The following PHKA1 variants were observed in gnomAD, a reference collection of about 807,000 sequenced individuals.
The protein encoded by PHKA1 is phosphorylase kinase regulatory subunit alpha 1.
Under a neutral mutation model 110.2 loss-of-function variants are expected in PHKA1, and 60 were observed. The observed-to-expected ratio is 0.54, with a 90% CI of 0.44 to 0.68. The LOEUF (loss-of-function observed/expected upper bound fraction) is 0.68, where lower values mean the gene tolerates loss of function less well. Among genes scored for constraint, PHKA1 ranks in the 30% least tolerant of loss-of-function variants. The probability of loss-of-function intolerance (pLI) is 0.00; values close to 1 mark genes in which losing one functional copy is unlikely to be tolerated. For synonymous variants in PHKA1, 316 were observed against 333.6 expected (o/e 0.95, Z 0.58); for missense variants, 801 against 942.5 (o/e 0.85, Z 1.97).
chrX:72,585,254 G>T (rs1220279292), intron 29 of PHKA1, among the ~76,000 whole-genome samples: 1 of 110,948 alleles, frequency 9.0e-6, no homozygotes, highest in African/African-American at 3.3e-5. Flanking sequence ...AGTCCAAAAT[G>T]CAAGTATTAA....
chrX:72,620,772 C>T lies in PHKA1; in HGVS notation c.2090G>A (p.Cys697Tyr). The change falls in exon 19 of 32, where the codon TGC (cysteine) becomes TAC (tyrosine). Residue 697 changes from cysteine to tyrosine, a missense_variant. By Grantham distance (194) the Cys-to-Tyr change is radical (BLOSUM62 -2). Around this residue, in one of 2 missense-constraint regions of PHKA1, gnomAD observed 502 missense variants for 519.2 expected, o/e 0.97. Coordinates refer to ENST00000373542, the MANE Select transcript of PHKA1 (RefSeq NM_002637.4). ...DRFQAAVQTT[C>Y]DLMSLVTKAK... ...CTTGGTCACCAAGGACATTAAGTCGCAGGTTGTTTGCACAGCAGCTTGGAA... is the reference window on the plus strand; with the variant it reads ...CTTGGTCACCAAGGACATTAAGTCGTAGGTTGTTTGCACAGCAGCTTGGAA... 8.3e-7 allele frequency: 1 copy of T among 1,210,496 alleles called. No individual in the cohort carries two copies. Among genetic ancestry groups the T allele is most frequent in the Non-Finnish European group, 1.1e-6 (1 of 895,190 alleles).
intron 14 of PHKA1, among the ~76,000 whole-genome samples, chrX:72,643,268 C>T (rs1383322894): frequency 9.9e-5 from 11 of 111,249 alleles, no homozygotes; most frequent in South Asian, 3.8e-4. Context: ...CACACACACA[C>T]GCGCGCACAC....
At chrX:72,684,045 C>T (rs1556317955) in intron 5 of PHKA1, among the ~76,000 whole-genome samples, 1 of 112,081 alleles carries the variant, frequency 8.9e-6, no homozygotes, top group Non-Finnish European at 1.9e-5. Flanking sequence ...TTAACAGAAA[C>T]CTACCTCATA....
At chrX:72,687,352 G>A (rs1302647092) in intron 4 of PHKA1, among the ~76,000 whole-genome samples, 2 of 111,762 alleles carry the variant, frequency 1.8e-5, no homozygotes, top group Non-Finnish European at 3.8e-5. Context: ...AGTATGCATT[G>A]TAAGTATATA....
At chrX:72,628,459 A>T (rs782557484) in intron 16 of PHKA1, among the ~76,000 whole-genome samples, 1 of 107,842 alleles carries the variant, frequency 9.3e-6, no homozygotes, top group African/African-American at 3.4e-5. Flanking sequence ...GATATAAAAG[A>T]TTTCATTTTC....
At chrX:72,681,137 C>T (rs1416924766) in intron 5 of PHKA1, among the ~76,000 whole-genome samples, 2 of 85,647 alleles carry the variant, frequency 2.3e-5, no homozygotes, top group East Asian at 4.1e-4. Context: ...TCTGCCCGGC[C>T]GCCCATCGTC....
In PHKA1 at chrX:72,658,697, C is replaced by T. The variant is rs1377798259; in HGVS notation, c.865-1056G>A. ...ATCAGTTATTTTGTAGAATGCCCCTCGATTTGGTTTTGTTTGATGTTTTCT... is the reference window on the plus strand; with the variant it reads ...ATCAGTTATTTTGTAGAATGCCCCTTGATTTGGTTTTGTTTGATGTTTTCT... On this transcript the variant is annotated intron_variant, in intron 8 of 31. Transcript: ENST00000373542. 2.7e-5 allele frequency among the ~76,000 whole-genome samples: 3 copies of T among 111,102 alleles called. No individual in the cohort carries two copies. In the East Asian group the frequency reaches 8.5e-4, roughly 31 times the overall value.
In PHKA1 at chrX:72,652,638, T is replaced by C. The variant is rs782509826; in HGVS notation, c.1151A>G (p.Tyr384Cys). Residue 384 changes from tyrosine (Y) to cysteine (C), a missense_variant, in exon 12 of 32, where the codon TAT (tyrosine) becomes TGT (cysteine). Tyr to Cys is a radical substitution (Grantham distance 194). Transcript: ENST00000373542. ...TCGGTCCACAGTGTGAGGATTCTGA[T>C]ATTCTTCATCGACCTAAAAGAAAAG... is the stretch of plus-strand genomic sequence containing the variant. Reference protein sequence around the residue: ...SVPPDRVDEEYQNPHTVDRVP... With the variant: ...SVPPDRVDEECQNPHTVDRVP... 1.7e-5 allele frequency: 20 copies of C among 1,151,396 alleles called. No homozygotes were observed. The African/African-American group carries it at 2.7e-4, about 15-fold the overall frequency. The allele number at this position is 1,151,396 out of a possible 1,213,427, so 94.9% of individuals were successfully genotyped here.
chrX:72,628,734 C>T (rs1471353034), intron 16 of PHKA1, among the ~76,000 whole-genome samples: 4 of 107,884 alleles, frequency 3.7e-5, no homozygotes, highest in African/African-American at 1.0e-4. Context: ...GGACTACAGG[C>T]GCGTGCCACC....
In PHKA1 at chrX:72,623,285, A is replaced by G; in HGVS notation, c.1794-10T>C. On this transcript the variant is annotated splice_polypyrimidine_tract_variant and intron_variant, in intron 17 of 31. Transcript: ENST00000373542. ...TTTACCTGTTTGAACCCTAAAAATT[A>G]GAGGAGGATAGAAAACAGAAAATCA... 2 of 1,193,722 alleles carry G rather than the reference A, an allele frequency of 1.7e-6. No homozygotes were observed. The highest frequency in any genetic ancestry group is 2.3e-6 in the Non-Finnish European group (2 of 880,333).
In PHKA1 at chrX:72,676,156, A is replaced by G; in HGVS notation, c.538-6T>C. 1 of 1,187,774 alleles carries G rather than the reference A, an allele frequency of 8.4e-7. No individual in the cohort carries two copies. The highest frequency in any genetic ancestry group is 1.1e-6 in the Non-Finnish European group (1 of 873,953). On this transcript the variant is annotated splice_region_variant and splice_polypyrimidine_tract_variant and intron_variant, in intron 5 of 31. Coordinates refer to ENST00000373542, the MANE Select transcript of PHKA1 (RefSeq NM_002637.4). Reference sequence around the variant, plus strand: ...CGTTCCCATATCCCGAAGTCCTGGCATAAAATAACCAATATACAATTAGCA... The same window carrying G: ...CGTTCCCATATCCCGAAGTCCTGGCGTAAAATAACCAATATACAATTAGCA...
At chrX:72,671,935 T>G (rs2053707993) in intron 6 of PHKA1, among the ~76,000 whole-genome samples, 1 of 111,830 alleles carries the variant, frequency 8.9e-6, no homozygotes. Flanking sequence ...CAAAAATTAA[T>G]TCAAAATGGA....
chrX:72,593,892 C>T (rs886111128), intron 28 of PHKA1, among the ~76,000 whole-genome samples: 14 of 112,099 alleles, frequency 1.2e-4, no homozygotes, highest in African/African-American at 3.2e-4. Flanking sequence ...ACTTCTAGCT[C>T]GTCCATGGTT....
At chrX:72,670,987 T>C (rs1236152947) in intron 6 of PHKA1, among the ~76,000 whole-genome samples, 2 of 111,747 alleles carry the variant, frequency 1.8e-5, no homozygotes, top group African/African-American at 6.5e-5. Context: ...TCATACTGAA[T>C]GGGCAAAAAC....
At chrX:72,611,950 A>G (rs893836385) in intron 21 of PHKA1, among the ~76,000 whole-genome samples, 2 of 112,038 alleles carry the variant, frequency 1.8e-5, no homozygotes, top group African/African-American at 6.5e-5. Context: ...CAGAATTACC[A>G]TATAATCCAG....
At chrX:72,677,032 C>G (rs1360580586) in intron 5 of PHKA1, among the ~76,000 whole-genome samples, 4 of 112,201 alleles carry the variant, frequency 3.6e-5, no homozygotes, top group Non-Finnish European at 7.5e-5. Flanking sequence ...GAATTTCATG[C>G]TGCATTTGTC....
rs1226155041 is a variant in PHKA1, at chrX:72,579,995, C to T, written c.*1007G>A. 2.7e-5 allele frequency: 3 copies of T among 111,646 alleles called. No homozygotes were observed. Among genetic ancestry groups the T allele is most frequent in the Non-Finnish European group, 5.6e-5 (3 of 53,150 alleles). The allele number at this position is 111,646 out of a possible 1,213,427, so 9.2% of individuals were successfully genotyped here. A position where few individuals can be genotyped will look rare whatever the true frequency, so the allele number is the denominator to read the frequency against. ...CTAAGTAGAGCACCTATAGACTGGA[C>T]TGCTGTATTTATCTTTGCTGAATAC... is the stretch of plus-strand genomic sequence containing the variant. On this transcript the variant is annotated 3_prime_UTR_variant, in exon 32 of 32. Transcript: ENST00000373542.
At chrX:72,663,533 C>T (rs1269356742) in intron 8 of PHKA1, among the ~76,000 whole-genome samples, 1 of 110,544 alleles carries the variant, frequency 9.0e-6, no homozygotes, top group Non-Finnish European at 1.9e-5. Flanking sequence ...TCAAAGTTCC[C>T]AAATAGATTC....
intron 27 of PHKA1, 33 bp from the exon 28 acceptor site, chrX:72,602,062 A>G: frequency 8.7e-7 from 1 of 1,147,950 alleles, no homozygotes; most frequent in Non-Finnish European, 1.2e-6. Context: ...TAAACTCAGA[A>G]TGTGAAACAA....
Sources: gnomAD v4.1 joint callset for allele counts (sites outside exome capture counted in the v4.1 genomes callset) on GRCh38, gnomAD v4.1.1 for gene constraint, gnomAD v4.1.1 regional missense constraint, MANE v1.5 for transcripts, NCBI Gene and HGNC (gene_info 2026-07-23, HGNC 2026-07-21) for gene names.